Variants in WDPCP observed in about 807,000 individuals in gnomAD.
WDPCP encodes the protein WD repeat containing planar cell polarity effector.
A neutral mutation model predicts 93.1 loss-of-function variants in WDPCP; 71 were observed. The observed-to-expected ratio is 0.76, with a 90% CI of 0.63 to 0.93. The LOEUF is 0.93. Among genes scored for constraint, WDPCP ranks in the 40% least tolerant of loss-of-function variants. The probability of loss-of-function intolerance (pLI) is 0.00; values close to 1 mark genes in which losing one functional copy is unlikely to be tolerated. For missense variants in WDPCP, 844 were observed against 887.4 expected (o/e 0.95, Z 0.62); for synonymous variants, 315 against 315.0 (o/e 1.00, Z 0.00).
intron 1 of WDPCP, among the ~76,000 whole-genome samples, chr2:63,538,207 C>A (rs920815810): frequency 6.6e-6 from 1 of 152,042 alleles, no homozygotes; most frequent in African/African-American, 2.4e-5. Flanking sequence ...GATAATCCCT[C>A]AGCTGTAATC....
chr2:63,189,618 C>T (rs1234294823), intron 14 of WDPCP, among the ~76,000 whole-genome samples: 1 of 152,158 alleles, frequency 6.6e-6, no homozygotes, highest in East Asian at 1.9e-4. Flanking sequence ...GGACTAAATG[C>T]TTTTTCCTTG....
chr2:63,534,705 A>G (rs2106262681), intron 1 of WDPCP, among the ~76,000 whole-genome samples: 2 of 152,318 alleles, frequency 1.3e-5, no homozygotes, highest in Non-Finnish European at 2.9e-5. Context: ...TTCATGGGAC[A>G]TATCTCAAAA....
chr2:63,284,081 C>CT (rs879362912), intron 13 of WDPCP, among the ~76,000 whole-genome samples: 188 of 148,002 alleles, frequency 1.3e-3, no homozygotes, highest in Non-Finnish European at 1.6e-3. Context: ...ATATAAAAGA[C>CT]TTTTTTTTTT....
intron 3 of WDPCP, 23 bp from the exon 4 acceptor site, chr2:63,486,609 A>T (rs1700589498): frequency 6.4e-7 from 1 of 1,558,014 alleles, no homozygotes; most frequent in East Asian, 2.4e-5. Flanking sequence ...CAGAAGGGAT[A>T]GAAAGAAAAA....
At chr2:63,679,434 T>C (rs1324930256) in intron 2 of WDPCP, among the ~76,000 whole-genome samples, 1 of 152,190 alleles carries the variant, frequency 6.6e-6, no homozygotes, top group Admixed American at 6.5e-5. Flanking sequence ...TGGTGAGTAC[T>C]CTATGCTGAC....
chr2:63,540,354 G>A (rs781566426), intron 1 of WDPCP, among the ~76,000 whole-genome samples: 1 of 152,036 alleles, frequency 6.6e-6, no homozygotes, highest in Admixed American at 6.6e-5. Flanking sequence ...TACACAAAAC[G>A]TTCACCTTCA....
chr2:63,146,654 C>T (rs946802871), intron 17 of WDPCP, among the ~76,000 whole-genome samples: 1 of 152,082 alleles, frequency 6.6e-6, no homozygotes, highest in African/African-American at 2.4e-5. Flanking sequence ...GGATTACAGG[C>T]GTAAGCCACT....
At chr2:63,401,371 T>C (rs963560597) in intron 10 of WDPCP, among the ~76,000 whole-genome samples, 2 of 152,208 alleles carry the variant, frequency 1.3e-5, no homozygotes, top group Non-Finnish European at 2.9e-5. Context: ...AAGACATTTA[T>C]GCAGCCAACA....
chr2:63,393,476 C>T (rs1460647897), intron 10 of WDPCP, among the ~76,000 whole-genome samples: 2 of 151,550 alleles, frequency 1.3e-5, no homozygotes, highest in Non-Finnish European at 2.9e-5. Flanking sequence ...ACATGTATAC[C>T]TATTTATCAA....
intron 6 of WDPCP, among the ~76,000 whole-genome samples, chr2:63,463,164 A>T (rs1238148919): frequency 1.3e-5 from 2 of 151,682 alleles, no homozygotes; most frequent in Non-Finnish European, 2.9e-5. Context: ...AAAAAAAAAA[A>T]TTTCAAGAAC....
intron 6 of WDPCP, among the ~76,000 whole-genome samples, chr2:63,467,648 C>T (rs1367327245): frequency 6.6e-6 from 1 of 151,730 alleles, no homozygotes; most frequent in Admixed American, 6.6e-5. Context: ...TGGTGGTGCA[C>T]GCCTGTAGTC....
intron 2 of WDPCP, among the ~76,000 whole-genome samples, chr2:63,724,030 A>G (rs1264431252): frequency 6.6e-6 from 1 of 152,168 alleles, no homozygotes; most frequent in Non-Finnish European, 1.5e-5. Flanking sequence ...TTAACTAACA[A>G]CCTACACATC....
chr2:63,570,606 T>C (rs1362449194), intron 1 of WDPCP, among the ~76,000 whole-genome samples: 1 of 152,212 alleles, frequency 6.6e-6, no homozygotes, highest in African/African-American at 2.4e-5. Flanking sequence ...AGATGATCAT[T>C]ATCATGTTTA....
intron 17 of WDPCP, among the ~76,000 whole-genome samples, chr2:63,141,991 C>T (rs543716737): frequency 3.9e-5 from 6 of 152,084 alleles, no homozygotes; most frequent in East Asian, 3.9e-4. Context: ...TCTCCTGTTT[C>T]GTTTCTTATT....
chr2:63,412,548 A>G (rs757203334), intron 9 of WDPCP, among the ~76,000 whole-genome samples: 9 of 152,328 alleles, frequency 5.9e-5, no homozygotes, highest in Middle Eastern at 3.4e-3. Flanking sequence ...GACAAGAGAA[A>G]GAAATAAAGA....
intron 2 of WDPCP, among the ~76,000 whole-genome samples, chr2:63,720,596 A>C (rs1272271765): frequency 6.6e-6 from 1 of 152,028 alleles, no homozygotes; most frequent in Non-Finnish European, 1.5e-5. Context: ...TTTTTCCTAC[A>C]TAGAAAATAA....
At chr2:63,597,697 A>G in intron 3 of WDPCP, 1 of 851,546 alleles carries the variant, frequency 1.2e-6, no homozygotes, top group Non-Finnish European at 1.6e-6. Context: ...ATCAGTAAAT[A>G]CGGCTCTAGA....
At chr2:63,274,680 T>C (rs549045064) in intron 13 of WDPCP, among the ~76,000 whole-genome samples, 1 of 152,214 alleles carries the variant, frequency 6.6e-6, no homozygotes, top group Admixed American at 6.5e-5. Context: ...TGAACAACTA[T>C]ACACCAACAA....
intron 3 of WDPCP, chr2:63,607,319 C>G (rs1709552487): frequency 1.2e-5 from 2 of 164,042 alleles, no homozygotes; most frequent in Non-Finnish European, 2.6e-5. Flanking sequence ...GGGTGGATCA[C>G]CTGAGGTCCG....
Sources: allele counts gnomAD v4.1 joint callset (sites outside exome capture counted in the v4.1 genomes callset), GRCh38; gene constraint gnomAD v4.1.1; transcripts MANE v1.5; gene names NCBI Gene and HGNC (gene_info 2026-07-23, HGNC 2026-07-21).